Variants in SCN1A observed in about 807,000 individuals in gnomAD.
The protein encoded by SCN1A is sodium channel protein type 1 subunit alpha.
In SCN1A, 13 loss-of-function variants were observed where a neutral mutation model predicts 193.7. The observed-to-expected ratio is 0.07, with a 90% CI of 0.04 to 0.11. The LOEUF is 0.11. Ranked by LOEUF, SCN1A falls within the 10% of genes least tolerant of loss-of-function variation. The pLI is 1.00. For missense variants in SCN1A, 1,432 were observed against 2,451.1 expected, an observed-to-expected ratio of 0.58 and a Z score of 8.78; for synonymous variants, 781 against 843.6, an observed-to-expected ratio of 0.93 and a Z score of 1.29.
At chr2:166,061,787 T>G (rs1175029893) in intron 4 of SCN1A, among the ~76,000 whole-genome samples, 1 of 152,178 alleles carries the variant, frequency 6.6e-6, no homozygotes, top group Admixed American at 6.6e-5. Context: ...AATGTTGGTA[T>G]GTGATTCTAA....
intron 7 of SCN1A, among the ~76,000 whole-genome samples, chr2:166,053,504 C>T (rs1698824318): frequency 6.6e-6 from 1 of 151,962 alleles, no homozygotes; most frequent in African/African-American, 2.4e-5. Context: ...ATAAGATTTT[C>T]CTAGTGTAAC....
intron 2 of SCN1A, among the ~76,000 whole-genome samples, chr2:166,078,200 T>C (rs1257957393): frequency 2.0e-5 from 3 of 151,732 alleles, no homozygotes; most frequent in African/African-American, 7.3e-5. Context: ...GGTTCATCAG[T>C]TGTAACTATA....
In SCN1A at chr2:166,056,500, T is replaced by C. The variant is rs755211947; in HGVS notation, c.384A>G (p.Ser128=). The C allele has an allele frequency of 6.3e-7, 1 of 1,575,852 alleles. No individual in the cohort carries two copies. The highest frequency in any genetic ancestry group is 8.7e-7 in the Non-Finnish European group (1 of 1,145,508). Reference sequence around the variant, plus strand: ...TGCACATAATTAGCATGCTGAATAATGTAGGTTATTGTTAAGGAACACACA... The same window carrying C: ...TGCACATAATTAGCATGCTGAATAACGTAGGTTATTGTTAAGGAACACACA... ...RKIAIKILVH[S]LFSMLIMCTI... The change falls in exon 6 of 29, where the codon TCA becomes TCG. Residue 128 remains serine, a splice_region_variant and synonymous_variant. Coordinates refer to ENST00000674923, the MANE Select transcript of SCN1A (RefSeq NM_001165963.4).
At position 166,045,206 on chromosome 2, in the gene SCN1A, C is replaced by T. The variant is rs200176684; in HGVS notation, c.1499G>A (p.Arg500Gln). 3.5e-5 allele frequency: 56 copies of T among 1,614,088 alleles called. No individual in the cohort carries two copies. In the East Asian group the frequency reaches 8.5e-4, roughly 24 times the overall value. ...SSKSAKERRN[R>Q]RKKRKQKEQS... Reference sequence around the variant, plus strand: ...CTCTTTCTGTTTTCTTTTCTTCCTCCGATTTCTTCTTTCCTTAGCACTCTT... The same window carrying T: ...CTCTTTCTGTTTTCTTTTCTTCCTCTGATTTCTTCTTTCCTTAGCACTCTT... The change falls in exon 13 of 29, where the codon CGG becomes CAG. Residue 500 changes from arginine to glutamine, a missense_variant. Coordinates refer to ENST00000674923, the MANE Select transcript of SCN1A (RefSeq NM_001165963.4).
At chr2:166,074,073 G>T (rs1684753708) in intron 3 of SCN1A, among the ~76,000 whole-genome samples, 1 of 152,170 alleles carries the variant, frequency 6.6e-6, no homozygotes, top group African/African-American at 2.4e-5. Flanking sequence ...GTCTCTGAGA[G>T]GACATAAAAT....
Position 166,009,835 on chromosome 2 carries a change from A to T in SCN1A, c.3886T>A (p.Leu1296Met), listed in dbSNP as rs375896308. The stretch of plus-strand genomic sequence containing the variant: ...AAGGCATTTGCTGTTAAACTGACCA[A>T]TGAAACCTGCACACACAAAAATAAT... ...WLDFLIVDVS[L>M]VSLTANALGY... is the part of the protein sequence containing the mutation. Residue 1296 changes from leucine to methionine, a missense_variant, in exon 23 of 29, where the codon TTG becomes ATG. Coordinates refer to ENST00000674923, the MANE Select transcript of SCN1A (RefSeq NM_001165963.4). 1.2e-6 allele frequency: 2 copies of T among 1,606,454 alleles called. No individual in the cohort carries two copies. The highest frequency in any genetic ancestry group is 1.7e-6 in the Non-Finnish European group (2 of 1,174,558).
chr2:166,013,959 C>G, intron 20 of SCN1A, 61 bp from the exon 21 acceptor site: 1 of 1,575,976 alleles, frequency 6.3e-7, no homozygotes, highest in South Asian at 1.1e-5. Context: ...TATCCTTTAG[C>G]AATGTCCTTG....
intron 24 of SCN1A, among the ~76,000 whole-genome samples, chr2:166,001,357 TAAG>T (rs565524197): frequency 1.3e-3 from 198 of 151,760 alleles, no homozygotes; most frequent in African/African-American, 4.5e-3. Context: ...TCAAAAATGT[TAAG>T]AAGAGAAATA....
intron 19 of SCN1A, among the ~76,000 whole-genome samples, chr2:166,018,591 T>G (rs1333625974): frequency 6.6e-6 from 1 of 152,002 alleles, no homozygotes; most frequent in Non-Finnish European, 1.5e-5. Context: ...GTTCTTCTGA[T>G]GTTTTTTCAT....
intron 5 of SCN1A, among the ~76,000 whole-genome samples, chr2:166,057,720 G>A (rs112917379): frequency 2.3e-3 from 346 of 151,698 alleles, no homozygotes; most frequent in African/African-American, 7.9e-3. Flanking sequence ...TAGAATGGCC[G>A]TTCAAATTTT....
chr2:166,007,506 G>A lies in SCN1A; in HGVS notation c.4002+2213C>T, dbSNP rs930950827. Among the ~76,000 whole-genome samples the A allele has an allele frequency of 7.3e-5, 11 of 151,104 alleles. No homozygotes were observed. Among genetic ancestry groups the A allele is most frequent in the African/African-American group, 1.9e-4 (8 of 41,258 alleles). On this transcript the variant is annotated intron_variant, in intron 23 of 28. Transcript: ENST00000674923. Reference sequence around the variant, plus strand: ...ATTTTATTTTACCCTAGATATTCACGACATCAATTCACTCAGTTTAATTTT... The same window carrying A: ...ATTTTATTTTACCCTAGATATTCACAACATCAATTCACTCAGTTTAATTTT...
rs201987598 is a variant in SCN1A at position 166,043,817 on chromosome 2, A to T, written c.1895T>A (p.Leu632Gln). The T allele has an allele frequency of 8.1e-6, 13 of 1,614,214 alleles. No individual in the cohort carries two copies. The Admixed American group carries it at 2.2e-4, about 27-fold the overall frequency. ...LSQTSRSSRM[L>Q]AVFPANGKMH... ...CTTCCCATTCGCTGGAAACACTGCC[A>T]GCATCCGGGATGACCTACTGGTCTG... The change falls in exon 14 of 29, where the codon CTG (leucine) becomes CAG (glutamine). Residue 632 changes from leucine to glutamine, a missense_variant. This residue lies in a region of SCN1A where 316 missense variants were observed against 362.1 expected (regional missense o/e 0.87). Coordinates refer to ENST00000674923, the MANE Select transcript of SCN1A (RefSeq NM_001165963.4).
chr2:166,012,653 G>A (rs1692681720), intron 21 of SCN1A, among the ~76,000 whole-genome samples: 1 of 126,690 alleles, frequency 7.9e-6, no homozygotes, highest in Admixed American at 8.9e-5. Flanking sequence ...AAAGGAGGTT[G>A]AAGAAATAAT....
At chr2:166,117,962 CA>C (rs5836086) in intron 2 of SCN1A, among the ~76,000 whole-genome samples, 1 of 146,046 alleles carries the variant, frequency 6.8e-6, no homozygotes, top group African/African-American at 2.5e-5. Flanking sequence ...GACTCTGTCT[CA>C]AAAAAAAAAA....
At chr2:166,002,879 G>T in intron 23 of SCN1A, 126 bp from the exon 24 acceptor site, 1 of 754,426 alleles carries the variant, frequency 1.3e-6, no homozygotes, top group Non-Finnish European at 2.0e-6. Flanking sequence ...TCTAGGATAT[G>T]TAAAAGCAAG....
chr2:165,998,869 G>C (rs1182717016), intron 25 of SCN1A, among the ~76,000 whole-genome samples: 2 of 151,302 alleles, frequency 1.3e-5, no homozygotes, highest in Admixed American at 1.3e-4. Context: ...CAACTCTGGA[G>C]GTTATCAAAA....
At chr2:166,078,846 G>T (rs1021408112) in intron 2 of SCN1A, among the ~76,000 whole-genome samples, 3 of 151,394 alleles carry the variant, frequency 2.0e-5, no homozygotes, top group South Asian at 4.1e-4. Flanking sequence ...AATGAATTTT[G>T]GTTTCAAAGT....
intron 16 of SCN1A, 137 bp from the exon 17 acceptor site, chr2:166,039,733 A>G (rs1431660209): frequency 2.7e-6 from 2 of 742,312 alleles, no homozygotes; most frequent in African/African-American, 3.5e-5. Flanking sequence ...GGCAATTTGT[A>G]GTTGATGAAA....
intron 17 of SCN1A, among the ~76,000 whole-genome samples, chr2:166,038,608 G>A (rs1165469460): frequency 6.6e-6 from 1 of 152,108 alleles, no homozygotes; most frequent in Admixed American, 6.5e-5. Flanking sequence ...AAAGTGCTAG[G>A]ATTACAGGCA....
Sources: allele counts gnomAD v4.1 joint callset (sites outside exome capture counted in the v4.1 genomes callset), GRCh38; gene constraint gnomAD v4.1.1; regional missense constraint gnomAD v4.1.1; transcripts MANE v1.5; gene names NCBI Gene and HGNC (gene_info 2026-07-23, HGNC 2026-07-21).